The following PCOLCE2 variants were observed in gnomAD, a reference collection of about 807,000 sequenced individuals.
PCOLCE2 encodes the protein procollagen C-endopeptidase enhancer 2.
Under a neutral mutation model 47.0 loss-of-function variants are expected in PCOLCE2, and 42 were observed. The observed-to-expected ratio is 0.89, with a 90% CI of 0.70 to 1.16. The LOEUF is 1.16. Ranked by LOEUF, PCOLCE2 falls within the 50% of genes most tolerant of loss-of-function variation. The pLI is 0.00. For missense variants in PCOLCE2, 500 were observed against 526.1 expected (o/e 0.95, Z 0.49); for synonymous variants, 169 against 191.7 (o/e 0.88, Z 0.98).
intron 2 of PCOLCE2, among the ~76,000 whole-genome samples, chr3:142,858,532 G>A (rs1041433268): frequency 7.2e-5 from 11 of 152,186 alleles, no homozygotes; most frequent in Admixed American, 2.6e-4. Context: ...GTGTGTGTGC[G>A]TGTGTATATC....
At chr3:142,870,307 A>G (rs1269122577) in intron 2 of PCOLCE2, among the ~76,000 whole-genome samples, 1 of 152,342 alleles carries the variant, frequency 6.6e-6, no homozygotes, top group South Asian at 2.1e-4. Flanking sequence ...GATAGATCAC[A>G]CTCGAGATCT....
At chr3:142,845,429 G>T (rs1327620268) in intron 3 of PCOLCE2, among the ~76,000 whole-genome samples, 1 of 152,092 alleles carries the variant, frequency 6.6e-6, no homozygotes, top group Non-Finnish European at 1.5e-5. Context: ...AAGAAATTAA[G>T]AGAAGAAAAG....
chr3:142,865,349 A>G (rs887735132), intron 2 of PCOLCE2, among the ~76,000 whole-genome samples: 5 of 152,142 alleles, frequency 3.3e-5, no homozygotes, highest in African/African-American at 1.2e-4. Flanking sequence ...ACCCTAAAGT[A>G]CTTTTAAAAT....
At chr3:142,883,198 C>CAAAAA in intron 2 of PCOLCE2, among the ~76,000 whole-genome samples, 1 of 71,896 alleles carries the variant, frequency 1.4e-5, no homozygotes, top group Non-Finnish European at 2.5e-5. Context: ...GACTCCGTCT[C>CAAAAA]AAAAAAAAAA....
rs368648610 is a variant in PCOLCE2, at chr3:142,888,860, G to A, written c.37C>T (p.Leu13=). 1 of 1,551,120 alleles carries A rather than the reference G, an allele frequency of 6.4e-7. No homozygotes were observed. The highest frequency in any genetic ancestry group is 1.2e-5 in the South Asian group (1 of 83,240). Reference sequence around the variant, plus strand: ...GAGAGCTGGGTGGCGGCAGCCAGCAGCAGGCAGAGTGGCGCCCAGGCGTTC... The same window carrying A: ...GAGAGCTGGGTGGCGGCAGCCAGCAACAGGCAGAGTGGCGCCCAGGCGTTC... ...GANAWAPLCL[L]LAAATQLSRQ... is the part of the protein sequence containing the mutation. The change falls in exon 1 of 9, where the codon CTG becomes TTG. Residue 13 remains leucine (L), a synonymous_variant. Coordinates refer to ENST00000295992, the MANE Select transcript of PCOLCE2 (RefSeq NM_013363.4).
chr3:142,879,075 A>G (rs1933555503), intron 2 of PCOLCE2, among the ~76,000 whole-genome samples: 1 of 152,202 alleles, frequency 6.6e-6, no homozygotes, highest in Non-Finnish European at 1.5e-5. Context: ...AAGTAATTTA[A>G]TCTGTCTTTT....
chr3:142,842,609 C>T lies in PCOLCE2; in HGVS notation c.573+315G>A, dbSNP rs188117776. Among the ~76,000 whole-genome samples, 3 of 152,036 alleles carry T rather than the reference C, an allele frequency of 2.0e-5. No homozygotes were observed. The highest frequency in any genetic ancestry group is 4.2e-4 in the South Asian group (2 of 4,798). ...ACAAAATTAGCCGGGCGTGGTGGCG[C>T]GTGCCTGTAATCTCAGCTACTCGTG... is the stretch of plus-strand genomic sequence containing the variant. On this transcript the variant is annotated intron_variant, in intron 4 of 8. Coordinates refer to ENST00000295992, the MANE Select transcript of PCOLCE2 (RefSeq NM_013363.4). The surrounding 1 kb of genome is among the most constrained non-coding windows in gnomAD (Gnocchi z 4.1).
In PCOLCE2 at chr3:142,829,789, T is replaced by TAAACTTAAGTCTGATAAAAACTGAATA; in HGVS notation, c.741_767dup (p.Ser255_Leu256insPheIleGlnPheLeuSerAspLeuSer). The TAAACTTAAGTCTGATAAAAACTGAATA allele has an allele frequency of 6.2e-7, 1 of 1,607,822 alleles. No homozygotes were observed. Among genetic ancestry groups the TAAACTTAAGTCTGATAAAAACTGAATA allele is most frequent in the Non-Finnish European group, 8.5e-7 (1 of 1,175,254 alleles). ...AGTGACCAATAAACCCATCTGCAGT[T>TAAACTTAAGTCTGATAAAAACTGAATA]AAACTTAAGTCTGATAAAAACTGAA... On this transcript the variant is annotated inframe_insertion, in exon 6 of 9. Coordinates refer to ENST00000295992, the MANE Select transcript of PCOLCE2 (RefSeq NM_013363.4).
chr3:142,883,998 C>T (rs934684766), intron 2 of PCOLCE2, among the ~76,000 whole-genome samples: 1 of 152,166 alleles, frequency 6.6e-6, no homozygotes, highest in African/African-American at 2.4e-5. Context: ...CCTCTAAATT[C>T]GCCTATGTGT....
intron 2 of PCOLCE2, among the ~76,000 whole-genome samples, chr3:142,868,558 C>G (rs964961067): frequency 6.6e-6 from 1 of 152,076 alleles, no homozygotes; most frequent in Non-Finnish European, 1.5e-5. Flanking sequence ...ATTCTGATCA[C>G]CTGCTTCACC....
In PCOLCE2 at chr3:142,862,580, C is replaced by T. The variant is rs141420287; in HGVS notation, c.193-14108G>A. 2.8e-3 allele frequency among the ~76,000 whole-genome samples: 420 copies of T among 152,160 alleles called. 2 individuals carry two copies. Among genetic ancestry groups the T allele is most frequent in the African/African-American group, 9.1e-3 (379 of 41,504 alleles). ...TAAATGCTTAATTCATCAGGTTTCACGAGAAGCCACTGAGGTGATCTTTAT... is the reference window on the plus strand; with the variant it reads ...TAAATGCTTAATTCATCAGGTTTCATGAGAAGCCACTGAGGTGATCTTTAT... On this transcript the variant is annotated intron_variant, in intron 2 of 8. Coordinates refer to ENST00000295992, the MANE Select transcript of PCOLCE2 (RefSeq NM_013363.4).
At chr3:142,828,386 T>A (rs1937109507) in intron 6 of PCOLCE2, among the ~76,000 whole-genome samples, 1 of 152,194 alleles carries the variant, frequency 6.6e-6, no homozygotes, top group African/African-American at 2.4e-5. Flanking sequence ...AAATTAAAAG[T>A]TCAGTTCCTC....
intron 2 of PCOLCE2, among the ~76,000 whole-genome samples, chr3:142,853,028 C>A (rs943885262): frequency 2.7e-5 from 4 of 150,522 alleles, no homozygotes; most frequent in African/African-American, 4.9e-5. Context: ...ATTACTTGAG[C>A]CTGGGACATC....
intron 2 of PCOLCE2, among the ~76,000 whole-genome samples, chr3:142,862,001 A>G (rs1424945774): frequency 6.6e-6 from 1 of 152,188 alleles, no homozygotes. Flanking sequence ...CCATTCTAGT[A>G]CACAGACTGT....
rs143612617 is a variant in PCOLCE2 at position 142,831,058 on chromosome 3, T to C, written c.711-1212A>G. On this transcript the variant is annotated intron_variant, in intron 5 of 8. Transcript: ENST00000295992. ...TAACCTTCTGAGCCAGGGGATGAGA[T>C]GAATCAAAAAGTGAGCTTTGTGATC... Among the ~76,000 whole-genome samples the C allele has an allele frequency of 3.6e-3, 552 of 152,354 alleles. 3 individuals carry two copies. The highest frequency in any genetic ancestry group is 5.9e-3 in the Non-Finnish European group (400 of 68,034).
chr3:142,839,134 C>T (rs1460172571), intron 4 of PCOLCE2, among the ~76,000 whole-genome samples: 1 of 152,074 alleles, frequency 6.6e-6, no homozygotes, highest in African/African-American at 2.4e-5. Context: ...AAACTCAGAT[C>T]AACTCTAGTT....
At chr3:142,858,524 G>A (rs1420751032) in intron 2 of PCOLCE2, among the ~76,000 whole-genome samples, 1 of 152,198 alleles carries the variant, frequency 6.6e-6, no homozygotes, top group Non-Finnish European at 1.5e-5. Flanking sequence ...GTGCGTGCGT[G>A]TGTGTGCGTG....
At chr3:142,884,812 T>A (rs536896707) in intron 2 of PCOLCE2, among the ~76,000 whole-genome samples, 1 of 152,344 alleles carries the variant, frequency 6.6e-6, no homozygotes, top group Non-Finnish European at 1.5e-5. Context: ...AAAATTTTTC[T>A]ATTAATAGCA....
At chr3:142,859,138 T>C (rs1158491312) in intron 2 of PCOLCE2, among the ~76,000 whole-genome samples, 4 of 151,850 alleles carry the variant, frequency 2.6e-5, no homozygotes, top group East Asian at 3.9e-4. Context: ...TCTCAGCTCA[T>C]TGCAACCTCC....
Sources: gnomAD v4.1 joint callset for allele counts (sites outside exome capture counted in the v4.1 genomes callset) on GRCh38, gnomAD v4.1.1 for gene constraint, Gnocchi (gnomAD v3.1) non-coding constraint, MANE v1.5 for transcripts, NCBI Gene and HGNC (gene_info 2026-07-23, HGNC 2026-07-21) for gene names.